The following UBTD2 variants were observed in gnomAD, a reference collection of about 807,000 sequenced individuals.
UBTD2 encodes the protein ubiquitin domain containing 2, also known as ubiquitin domain-containing protein 2.
UBTD2 carries 9 observed loss-of-function variants against 19.8 expected under a neutral mutation model. That is an observed-to-expected ratio of 0.46 (90% CI 0.27 to 0.79). The LOEUF is 0.79. Ranked by LOEUF, UBTD2 falls within the 30% of genes least tolerant of loss-of-function variation. UBTD2 has a pLI of 0.14. For synonymous variants in UBTD2, 98 were observed against 103.9 expected, an observed-to-expected ratio of 0.94 and a Z score of 0.35; for missense variants, 250 against 300.4, an observed-to-expected ratio of 0.83 and a Z score of 1.24.
intron 1 of UBTD2, among the ~76,000 whole-genome samples, chr5:172,243,964 G>T (rs1772185121): frequency 6.6e-6 from 1 of 152,140 alleles, no homozygotes; most frequent in South Asian, 2.1e-4. Flanking sequence ...GCAAATCAGA[G>T]ATCAAGAGGG....
chr5:172,268,316 G>A (rs1030434831), intron 1 of UBTD2, among the ~76,000 whole-genome samples: 1 of 152,132 alleles, frequency 6.6e-6, no homozygotes, highest in Non-Finnish European at 1.5e-5. Context: ...TAGTTGGAAC[G>A]TAGAAAAAGA....
chr5:172,216,880 C>A (rs949665453), intron 2 of UBTD2, among the ~76,000 whole-genome samples: 1 of 151,824 alleles, frequency 6.6e-6, no homozygotes, highest in African/African-American at 2.4e-5. Flanking sequence ...GTGAGGGGAT[C>A]ACTTGAGCCC....
At chr5:172,217,977 CATCA>C (rs1384128975) in intron 2 of UBTD2, among the ~76,000 whole-genome samples, 4 of 152,108 alleles carry the variant, frequency 2.6e-5, no homozygotes, top group Admixed American at 1.3e-4. Flanking sequence ...GCAACAATAC[CATCA>C]ATCGATTTAA....
intron 1 of UBTD2, among the ~76,000 whole-genome samples, chr5:172,262,349 T>C (rs552314345): frequency 2.8e-5 from 4 of 141,460 alleles, no homozygotes; most frequent in East Asian, 2.1e-4. Flanking sequence ...ACTTGGGAGG[T>C]TGAGAGAGAA....
chr5:172,251,314 C>CAAAAAAAAAAAAAGAAAAAA (rs57577423), intron 1 of UBTD2, among the ~76,000 whole-genome samples: 1 of 118,218 alleles, frequency 8.5e-6, no homozygotes, highest in African/African-American at 3.4e-5. Context: ...GAGCCTATCT[C>CAAAAAAAAAAAAAGAAAAAA]AAAAAAAAAA....
At chr5:172,217,445 G>T (rs1297527427) in intron 2 of UBTD2, among the ~76,000 whole-genome samples, 2 of 148,760 alleles carry the variant, frequency 1.3e-5, no homozygotes, top group East Asian at 3.9e-4. Flanking sequence ...AAGAAAGAAA[G>T]AAATAAGCAA....
intron 2 of UBTD2, among the ~76,000 whole-genome samples, chr5:172,218,815 A>T (rs1324453451): frequency 1.4e-5 from 1 of 71,298 alleles, no homozygotes; most frequent in Non-Finnish European, 3.0e-5. Context: ...AAAAATAAAA[A>T]ATAAAAATAA....
rs200171404 is a variant in UBTD2 at position 172,282,566 on chromosome 5, CCAAA to C, written c.70+1026_70+1029del. ...GAAAAAGTTGTAAACCCTCCCATAC[CCAAA>C]CAATTTAAAAATTTACAGACATGCA... is the stretch of plus-strand genomic sequence containing the variant. On this transcript the variant is annotated intron_variant, in intron 1 of 2. Coordinates refer to ENST00000393792, the MANE Select transcript of UBTD2 (RefSeq NM_152277.3). Among the ~76,000 whole-genome samples, 1,135 of 152,224 alleles carry C rather than the reference CCAAA, an allele frequency of 7.5e-3. 11 individuals are homozygous for C. The highest frequency in any genetic ancestry group is 0.026 in the African/African-American group (1,089 of 41,554).
rs547285075 is a variant in UBTD2, at chr5:172,211,649, T to C, written c.*181A>G. ...GAGTCTCAAAGCCTGGCTCTTTGTG[T>C]TTTATTATTTTTGTTGGTCTCCATC... On this transcript the variant is annotated 3_prime_UTR_variant, in exon 3 of 3. Coordinates refer to ENST00000393792, the MANE Select transcript of UBTD2 (RefSeq NM_152277.3). 1.7e-6 allele frequency: 1 copy of C among 575,010 alleles called. No homozygotes were observed. Among genetic ancestry groups the C allele is most frequent in the East Asian group, 3.1e-5 (1 of 32,712 alleles). The allele number at this position is 575,010 out of a possible 1,614,324, so 35.6% of individuals were successfully genotyped here. A position where few individuals can be genotyped will look rare whatever the true frequency, so the allele number is the denominator to read the frequency against.
intron 1 of UBTD2, among the ~76,000 whole-genome samples, chr5:172,262,577 C>G (rs1271932768): frequency 6.6e-6 from 1 of 151,518 alleles, no homozygotes; most frequent in Non-Finnish European, 1.5e-5. Flanking sequence ...TTTGGGAGGC[C>G]GAGGTAGACG....
chr5:172,272,802 C>CA (rs1275266433), intron 1 of UBTD2, among the ~76,000 whole-genome samples: 1 of 152,082 alleles, frequency 6.6e-6, no homozygotes, highest in Non-Finnish European at 1.5e-5. Context: ...CCAAAGAGGC[C>CA]AGGTGCGGTC....
At chr5:172,219,852 G>C (rs1237423129) in intron 2 of UBTD2, among the ~76,000 whole-genome samples, 1 of 152,178 alleles carries the variant, frequency 6.6e-6, no homozygotes, top group Non-Finnish European at 1.5e-5. Context: ...TGGAAGACAA[G>C]AAAAGAATTG....
intron 1 of UBTD2, among the ~76,000 whole-genome samples, chr5:172,250,867 G>A (rs997332986): frequency 3.5e-5 from 5 of 142,830 alleles, no homozygotes; most frequent in African/African-American, 7.8e-5. Flanking sequence ...CAGGAAGGTC[G>A]AGGCTGCAGT....
chr5:172,215,137 G>A (rs1771517450), intron 2 of UBTD2, among the ~76,000 whole-genome samples: 1 of 152,206 alleles, frequency 6.6e-6, no homozygotes, highest in Non-Finnish European at 1.5e-5. Flanking sequence ...GTCTTAGAGA[G>A]AAAGCTCCAT....
At chr5:172,214,623 T>C (rs976961587) in intron 2 of UBTD2, among the ~76,000 whole-genome samples, 11 of 152,232 alleles carry the variant, frequency 7.2e-5, no homozygotes, top group African/African-American at 2.7e-4. Context: ...GGATGGTGTA[T>C]ATTCTTACTC....
intron 1 of UBTD2, among the ~76,000 whole-genome samples, chr5:172,236,477 C>T (rs1339263798): frequency 6.6e-6 from 1 of 152,210 alleles, no homozygotes; most frequent in Non-Finnish European, 1.5e-5. Flanking sequence ...ACAGACAATG[C>T]AGCTAGAGCA....
chr5:172,233,469 G>C (rs1288160372), intron 2 of UBTD2, among the ~76,000 whole-genome samples: 4 of 152,138 alleles, frequency 2.6e-5, no homozygotes, highest in African/African-American at 9.7e-5. Flanking sequence ...ACAAGAGTAT[G>C]TACATGGACC....
At chr5:172,266,733 G>C (rs1228424398) in intron 1 of UBTD2, among the ~76,000 whole-genome samples, 5 of 152,140 alleles carry the variant, frequency 3.3e-5, no homozygotes, top group Admixed American at 3.3e-4. Context: ...TTCACTTACA[G>C]TACATTAAGC....
intron 1 of UBTD2, chr5:172,255,251 C>A: frequency 2.2e-6 from 1 of 459,222 alleles, no homozygotes; most frequent in South Asian, 1.8e-5. Flanking sequence ...ATGAAGTCCA[C>A]TGGCTCCATC....
Sources: allele counts gnomAD v4.1 joint callset (sites outside exome capture counted in the v4.1 genomes callset), GRCh38; gene constraint gnomAD v4.1.1; transcripts MANE v1.5; gene names NCBI Gene and HGNC (gene_info 2026-07-23, HGNC 2026-07-21).